Variants in CSMD1 observed in about 807,000 individuals in gnomAD.
CSMD1 encodes the protein CUB and Sushi multiple domains 1, also known as CUB and sushi domain-containing protein 1.
In CSMD1, 213 loss-of-function variants were observed where a neutral mutation model predicts 417.5. The ratio of observed to expected loss-of-function variants is 0.51; its 90% CI spans 0.46 to 0.57. The LOEUF (loss-of-function observed/expected upper bound fraction) is 0.57. Ranked by LOEUF, CSMD1 falls within the 20% of genes least tolerant of loss-of-function variation. CSMD1 has a pLI of 0.00. For synonymous variants in CSMD1, 2,862 were observed against 1,736.8 expected, an observed-to-expected ratio of 1.65 and a Z score of -16.11; for missense variants, 6,923 against 4,529.7, an observed-to-expected ratio of 1.53 and a Z score of -15.17.
At chr8:3,795,166 C>A (rs1342239777) in intron 5 of CSMD1, among the ~76,000 whole-genome samples, 1 of 76,022 alleles carries the variant, frequency 1.3e-5, no homozygotes, top group Non-Finnish European at 2.6e-5. Context: ...CTATAGATAC[C>A]TATCATGTAC....
intron 20 of CSMD1, among the ~76,000 whole-genome samples, chr8:3,366,091 AC>A (rs1809549558): frequency 1.3e-5 from 2 of 152,200 alleles, no homozygotes; most frequent in Non-Finnish European, 2.9e-5. Context: ...GTACCCAGGG[AC>A]CACCTTATGA....
At chr8:4,879,119 C>T (rs117197483) in intron 1 of CSMD1, among the ~76,000 whole-genome samples, 2 of 151,976 alleles carry the variant, frequency 1.3e-5, no homozygotes, top group East Asian at 3.9e-4. Flanking sequence ...ATATCATTTA[C>T]GTATTGAGCA....
At chr8:3,595,073 A>G (rs1183766816) in intron 8 of CSMD1, among the ~76,000 whole-genome samples, 1 of 152,208 alleles carries the variant, frequency 6.6e-6, no homozygotes, top group Non-Finnish European at 1.5e-5. Flanking sequence ...CTATTTTAAA[A>G]TAAATGCTTT....
At chr8:4,334,476 C>A (rs1409220383) in intron 3 of CSMD1, among the ~76,000 whole-genome samples, 1 of 152,148 alleles carries the variant, frequency 6.6e-6, no homozygotes, top group South Asian at 2.1e-4. Context: ...AGTGTTCATC[C>A]TGCCTTATCG....
intron 8 of CSMD1, among the ~76,000 whole-genome samples, chr8:3,594,446 A>AT (rs1409615015): frequency 6.6e-6 from 1 of 152,124 alleles, no homozygotes; most frequent in Non-Finnish European, 1.5e-5. Context: ...TGTGTTATGG[A>AT]TTAAAAAACC....
chr8:4,925,801 C>A lies in CSMD1; in HGVS notation c.85+68531G>T, dbSNP rs189213188. On this transcript the variant is annotated intron_variant, in intron 1 of 69. Transcript: ENST00000635120. ...TGACCTCGTGATCCGCCCTCCTCGGCCTCCCAAAGTGTTGGGATTACAGGC... is the reference window on the plus strand; with the variant it reads ...TGACCTCGTGATCCGCCCTCCTCGGACTCCCAAAGTGTTGGGATTACAGGC... Among the ~76,000 whole-genome samples, 1,239 of 152,270 alleles carry A rather than the reference C, an allele frequency of 8.1e-3. 13 individuals are homozygous for A. The highest frequency in any genetic ancestry group is 0.028 in the African/African-American group (1,155 of 41,566).
chr8:3,951,854 A>G (rs1195211502), intron 5 of CSMD1, among the ~76,000 whole-genome samples: 10 of 152,110 alleles, frequency 6.6e-5, no homozygotes, highest in Non-Finnish European at 7.3e-5. Context: ...AAAATTAAAT[A>G]CATAACTTGC....
At chr8:4,816,527 C>A (rs368513699) in intron 1 of CSMD1, among the ~76,000 whole-genome samples, 13 of 152,174 alleles carry the variant, frequency 8.5e-5, no homozygotes, top group African/African-American at 3.1e-4. Flanking sequence ...CATGCGCAGC[C>A]AAATCACGGT....
intron 50 of CSMD1, among the ~76,000 whole-genome samples, chr8:3,038,219 T>A (rs1244362302): frequency 6.6e-6 from 1 of 152,198 alleles, no homozygotes; most frequent in Non-Finnish European, 1.5e-5. Context: ...ATTCACCTCA[T>A]CCAGTTAGTG....
At chr8:4,120,872 C>T (rs1218884174) in intron 3 of CSMD1, among the ~76,000 whole-genome samples, 2 of 152,194 alleles carry the variant, frequency 1.3e-5, no homozygotes, top group East Asian at 3.9e-4. Context: ...CAAATTTTTT[C>T]TGTTTTATTG....
intron 5 of CSMD1, among the ~76,000 whole-genome samples, chr8:3,993,473 C>T (rs1273530354): frequency 1.3e-5 from 2 of 152,144 alleles, no homozygotes; most frequent in Non-Finnish European, 2.9e-5. Flanking sequence ...ACTCAGCTTT[C>T]CCCATTTCTC....
At chr8:3,781,310 ATG>A (rs1057451185) in intron 5 of CSMD1, among the ~76,000 whole-genome samples, 41 of 152,130 alleles carry the variant, frequency 2.7e-4, no homozygotes, top group African/African-American at 9.7e-4. Flanking sequence ...ATATTCATAC[ATG>A]TCTTTGTTCT....
At chr8:4,963,881 C>T (rs1163323858) in intron 1 of CSMD1, among the ~76,000 whole-genome samples, 1 of 152,124 alleles carries the variant, frequency 6.6e-6, no homozygotes, top group Non-Finnish European at 1.5e-5. Context: ...GAAATACCTC[C>T]ACTTTCCAAT....
At chr8:3,041,528 G>A (rs1811100540) in intron 50 of CSMD1, among the ~76,000 whole-genome samples, 1 of 152,136 alleles carries the variant, frequency 6.6e-6, no homozygotes, top group Admixed American at 6.5e-5. Context: ...CTTTTGAAAT[G>A]TCAATGTAAG....
At chr8:2,949,178 A>C in intron 68 of CSMD1, 121 bp downstream of exon 68, 2 of 600,124 alleles carry the variant, frequency 3.3e-6, no homozygotes, top group Non-Finnish European at 5.9e-6. Context: ...AAAATATGTT[A>C]GTCTCTCTCA....
At chr8:3,097,460 C>CCT (rs10676398) in intron 46 of CSMD1, among the ~76,000 whole-genome samples, 55,177 of 151,934 alleles carry the variant, frequency 0.36, 11,736 homozygotes, top group Non-Finnish European at 0.48. Context: ...ATACAGTAGG[C>CCT]CCCCTTACCC....
rs550253340 is a variant in CSMD1, at chr8:4,087,075, C to A, written c.416-54976G>T. Among the ~76,000 whole-genome samples, 5 of 152,334 alleles carry A rather than the reference C, an allele frequency of 3.3e-5. No homozygotes were observed. The South Asian group carries it at 1.0e-3, about 32-fold the overall frequency. On this transcript the variant is annotated intron_variant, in intron 3 of 69. Transcript: ENST00000635120. Reference sequence around the variant, plus strand: ...TTGGGCTAGCCCAAGAGAGATGCGTCATCCAAGCTTAGCCTTTCTTCCTGG... The same window carrying A: ...TTGGGCTAGCCCAAGAGAGATGCGTAATCCAAGCTTAGCCTTTCTTCCTGG...
intron 7 of CSMD1, among the ~76,000 whole-genome samples, 181 bp from the exon 8 acceptor site, chr8:3,616,978 A>G (rs1192209241): frequency 7.8e-6 from 1 of 128,532 alleles, no homozygotes; most frequent in African/African-American, 2.8e-5. Context: ...GGTGAAAATC[A>G]AACATGTGTT....
intron 2 of CSMD1, among the ~76,000 whole-genome samples, chr8:4,465,301 G>C (rs969436260): frequency 6.6e-6 from 1 of 152,070 alleles, no homozygotes; most frequent in African/African-American, 2.4e-5. Flanking sequence ...CAGACACTAG[G>C]ATGTCTTGGT....
Sources: gnomAD v4.1 joint callset for allele counts (sites outside exome capture counted in the v4.1 genomes callset) on GRCh38, gnomAD v4.1.1 for gene constraint, MANE v1.5 for transcripts, NCBI Gene and HGNC (gene_info 2026-07-23, HGNC 2026-07-21) for gene names.